Variants in PTPRQ observed in about 807,000 individuals in gnomAD.
The protein encoded by PTPRQ is phosphatidylinositol phosphatase PTPRQ.
PTPRQ carries 199 observed loss-of-function variants against 246.0 expected under a neutral mutation model. The observed-to-expected ratio is 0.81, with a 90% CI of 0.72 to 0.91. The LOEUF (loss-of-function observed/expected upper bound fraction) is 0.91, where lower values mean the gene tolerates loss of function less well. Among genes scored for constraint, PTPRQ ranks in the 40% least tolerant of loss-of-function variants. The pLI is 0.00. For missense variants in PTPRQ, 2,624 were observed against 2,528.4 expected (o/e 1.04, Z -0.81); for synonymous variants, 869 against 853.2 (o/e 1.02, Z -0.32).
intron 7 of PTPRQ, among the ~76,000 whole-genome samples, chr12:80,470,258 C>T (rs1453169980): frequency 6.6e-5 from 10 of 152,060 alleles, no homozygotes. Context: ...ATAATTTGTC[C>T]ATACTAACAG....
chr12:80,662,023 A>T (rs1900649766), intron 39 of PTPRQ, among the ~76,000 whole-genome samples: 1 of 151,944 alleles, frequency 6.6e-6, no homozygotes, highest in Admixed American at 6.6e-5. Context: ...CTCTAGGCCT[A>T]TACATTGTTT....
intron 35 of PTPRQ, among the ~76,000 whole-genome samples, chr12:80,643,911 T>G (rs773874725): frequency 6.6e-6 from 1 of 152,196 alleles, no homozygotes; most frequent in Non-Finnish European, 1.5e-5. Context: ...AATACATATT[T>G]TTACACCAAT....
At chr12:80,660,499 G>C (rs996554067) in intron 39 of PTPRQ, among the ~76,000 whole-genome samples, 4 of 151,976 alleles carry the variant, frequency 2.6e-5, no homozygotes, top group Non-Finnish European at 5.9e-5. Context: ...GCCACCAACT[G>C]TACAAATGAG....
chr12:80,481,394 C>G (rs544933198), intron 8 of PTPRQ, among the ~76,000 whole-genome samples: 2 of 151,690 alleles, frequency 1.3e-5, no homozygotes, highest in Non-Finnish European at 2.9e-5. Flanking sequence ...AAGAGCCATC[C>G]ATGACAAACC....
chr12:80,465,742 C>T (rs1300498427), intron 6 of PTPRQ, among the ~76,000 whole-genome samples: 4 of 152,106 alleles, frequency 2.6e-5, no homozygotes, highest in African/African-American at 9.6e-5. Context: ...TAAACAGAAC[C>T]AAAGACAAAA....
chr12:80,656,071 C>T (rs1900423662), intron 38 of PTPRQ, among the ~76,000 whole-genome samples: 1 of 152,042 alleles, frequency 6.6e-6, no homozygotes, highest in South Asian at 2.1e-4. Flanking sequence ...TGAATAGAAA[C>T]ATAATGATTC....
chr12:80,516,926 A>T (rs10506828), intron 17 of PTPRQ, among the ~76,000 whole-genome samples: 76,667 of 152,008 alleles, frequency 0.5, 23,320 homozygotes, highest in Non-Finnish European at 0.67. Flanking sequence ...ATAGACATGG[A>T]GTACTGAGGC....
chr12:80,481,107 T>A lies in PTPRQ; in HGVS notation c.1187-3326T>A, dbSNP rs1894032900. On this transcript the variant is annotated intron_variant, in intron 8 of 44. Transcript: ENST00000644991. ...TTTAGACCAATATCCTTGATGAACA[T>A]TGATGCAAAAATCCTCAGTAAAATA... 1.3e-5 allele frequency among the ~76,000 whole-genome samples: 2 copies of A among 152,164 alleles called. 1 individual carries two copies. Among genetic ancestry groups the A allele is most frequent in the Non-Finnish European group, 2.9e-5 (2 of 68,038 alleles).
chr12:80,569,829 G>T (rs150048235), intron 25 of PTPRQ, among the ~76,000 whole-genome samples: 2 of 149,646 alleles, frequency 1.3e-5, no homozygotes, highest in Non-Finnish European at 3.0e-5. Context: ...GAGAACACAC[G>T]ATATTTGGTT....
At chr12:80,533,656 T>C (rs1351091214) in intron 17 of PTPRQ, among the ~76,000 whole-genome samples, 2 of 152,038 alleles carry the variant, frequency 1.3e-5, no homozygotes, top group African/African-American at 4.8e-5. Context: ...TTTGCCAGCA[T>C]TTGAAATGAA....
chr12:80,467,040 C>T (rs1893446221), intron 6 of PTPRQ, among the ~76,000 whole-genome samples: 1 of 151,826 alleles, frequency 6.6e-6, no homozygotes, highest in African/African-American at 2.4e-5. Context: ...GTCTGCATAG[C>T]AAAAGAAACT....
At chr12:80,524,207 C>T (rs1735851711) in intron 17 of PTPRQ, among the ~76,000 whole-genome samples, 1 of 152,032 alleles carries the variant, frequency 6.6e-6, no homozygotes, top group Non-Finnish European at 1.5e-5. Flanking sequence ...TCTTGTTTTC[C>T]ATTTGCTTGG....
At chr12:80,482,247 C>T (rs2120597144) in intron 8 of PTPRQ, among the ~76,000 whole-genome samples, 1 of 150,184 alleles carries the variant, frequency 6.7e-6, no homozygotes, top group East Asian at 1.9e-4. Flanking sequence ...TGATCTTTGA[C>T]AAACCTGAGA....
chr12:80,679,081 AC>A lies in PTPRQ; in HGVS notation c.*63del. 1 of 1,527,308 alleles carries A rather than the reference AC, an allele frequency of 6.5e-7. No homozygotes were observed. Among genetic ancestry groups the A allele is most frequent in the Non-Finnish European group, 8.8e-7 (1 of 1,137,034 alleles). 94.6% of individuals were successfully genotyped at this position (1,527,308 alleles called of 1,614,324 possible). On this transcript the variant is annotated 3_prime_UTR_variant, in exon 45 of 45. Transcript: ENST00000644991. ...TTTTTAAATCCCAGGGGCCAAAGTT[AC>A]CCCCTCATTCTTCCGAATTGAAATG...
intron 16 of PTPRQ, among the ~76,000 whole-genome samples, chr12:80,508,780 G>A (rs968357928): frequency 3.3e-5 from 5 of 151,958 alleles, no homozygotes; most frequent in Admixed American, 2.0e-4. Context: ...TGTTAATTAC[G>A]TTTACTTAGC....
chr12:80,594,852 G>T (rs1032798330), intron 26 of PTPRQ, among the ~76,000 whole-genome samples: 2 of 151,972 alleles, frequency 1.3e-5, no homozygotes, highest in African/African-American at 4.8e-5. Flanking sequence ...AGATCTAAAT[G>T]GTCTTTCTGC....
chr12:80,678,820 GA>G, intron 44 of PTPRQ, 95 bp downstream of exon 44: 6 of 1,449,838 alleles, frequency 4.1e-6, no homozygotes, highest in Non-Finnish European at 5.4e-6. Flanking sequence ...AAATGTTTAA[GA>G]AGCTGGATTA....
In PTPRQ at chr12:80,602,700, C is replaced by T. The variant is rs940141203; in HGVS notation, c.4610-2359C>T. 5.8e-4 allele frequency among the ~76,000 whole-genome samples: 88 copies of T among 151,710 alleles called. 4 individuals are homozygous for T. Among genetic ancestry groups the T allele is most frequent in the Non-Finnish European group, 5.9e-5 (4 of 67,810 alleles). Reference sequence around the variant, plus strand: ...CCACCTCTTCATACCATCACATTGGCCATTGTATTTCAACATCTAAATTTT... The same window carrying T: ...CCACCTCTTCATACCATCACATTGGTCATTGTATTTCAACATCTAAATTTT... On this transcript the variant is annotated intron_variant, in intron 26 of 44. Transcript: ENST00000644991.
chr12:80,649,398 A>C (rs1900181847), intron 36 of PTPRQ, among the ~76,000 whole-genome samples, 190 bp from the exon 37 acceptor site: 1 of 152,156 alleles, frequency 6.6e-6, no homozygotes, highest in South Asian at 2.1e-4. Context: ...CCATGAATAC[A>C]AAGAAAGTGA....
Sources: allele counts gnomAD v4.1 joint callset (sites outside exome capture counted in the v4.1 genomes callset), GRCh38; gene constraint gnomAD v4.1.1; transcripts MANE v1.5; gene names NCBI Gene and HGNC (gene_info 2026-07-23, HGNC 2026-07-21).